Variants in ZDHHC15 observed in about 807,000 individuals in gnomAD.
ZDHHC15 encodes zDHHC palmitoyltransferase 15.
ZDHHC15 carries 19 observed loss-of-function variants against 31.7 expected under a neutral mutation model. That is an observed-to-expected ratio of 0.60 (90% CI 0.42 to 0.88). ZDHHC15 has a LOEUF of 0.88. Among genes scored for constraint, ZDHHC15 ranks in the 40% least tolerant of loss-of-function variants. The probability of loss-of-function intolerance (pLI) is 0.00; values close to 1 mark genes in which losing one functional copy is unlikely to be tolerated. For missense variants in ZDHHC15, 209 were observed against 251.2 expected, an observed-to-expected ratio of 0.83 and a Z score of 1.14; for synonymous variants, 103 against 90.0, an observed-to-expected ratio of 1.14 and a Z score of -0.82.
intron 1 of ZDHHC15, among the ~76,000 whole-genome samples, chrX:75,519,673 T>C (rs1602782570): frequency 8.9e-6 from 1 of 112,538 alleles, no homozygotes; most frequent in Non-Finnish European, 1.9e-5. Flanking sequence ...CATATTGAAA[T>C]GCAAATTTGT....
intron 3 of ZDHHC15, among the ~76,000 whole-genome samples, chrX:75,457,412 T>C (rs182624773): frequency 5.7e-4 from 64 of 111,557 alleles, no homozygotes; most frequent in Non-Finnish European, 4.9e-4. Context: ...TTGAATATTT[T>C]CTACCAGTCT....
intron 10 of ZDHHC15, among the ~76,000 whole-genome samples, chrX:75,408,080 C>T (rs748273054): frequency 1.4e-3 from 158 of 110,124 alleles, no homozygotes; most frequent in African/African-American, 5.2e-3. Context: ...TGCAGAAGGC[C>T]GCAGGGTCCT....
At chrX:75,409,578 T>A (rs1387108566) in intron 10 of ZDHHC15, among the ~76,000 whole-genome samples, 2 of 100,788 alleles carry the variant, frequency 2.0e-5, no homozygotes, top group African/African-American at 7.4e-5. Context: ...GGGCGGATCA[T>A]GAGATCAGGA....
At chrX:75,518,246 C>T (rs192252754) in intron 1 of ZDHHC15, among the ~76,000 whole-genome samples, 4 of 111,400 alleles carry the variant, frequency 3.6e-5, no homozygotes, top group Admixed American at 2.9e-4. Flanking sequence ...GTATTCAGAA[C>T]ATGCAAAAAA....
At chrX:75,456,905 G>A (rs928503858) in intron 3 of ZDHHC15, among the ~76,000 whole-genome samples, 2 of 111,191 alleles carry the variant, frequency 1.8e-5, no homozygotes, top group African/African-American at 6.5e-5. Flanking sequence ...TTTAAATTCT[G>A]TGACTTGGAG....
intron 3 of ZDHHC15, among the ~76,000 whole-genome samples, chrX:75,474,318 G>A (rs759245454): frequency 2.8e-5 from 3 of 108,505 alleles, no homozygotes; most frequent in Non-Finnish European, 3.8e-5. Flanking sequence ...CTCAAACATC[G>A]GACTCCAACT....
chrX:75,474,327 C>T (rs1407754618), intron 3 of ZDHHC15, among the ~76,000 whole-genome samples: 2 of 108,779 alleles, frequency 1.8e-5, no homozygotes, highest in African/African-American at 3.3e-5. Context: ...CGGACTCCAA[C>T]TTCTTCATTT....
At chrX:75,453,989 T>C (rs2084171752) in intron 3 of ZDHHC15, among the ~76,000 whole-genome samples, 1 of 111,718 alleles carries the variant, frequency 9.0e-6, no homozygotes, top group Admixed American at 9.6e-5. Context: ...AAGACAGGGA[T>C]GCCCTCTCTC....
chrX:75,486,001 T>C (rs1021542388), intron 2 of ZDHHC15, among the ~76,000 whole-genome samples: 16 of 110,859 alleles, frequency 1.4e-4, no homozygotes, highest in African/African-American at 5.3e-4. Context: ...ATGGTGAACT[T>C]TTGCCCCAAG....
In ZDHHC15 at chrX:75,370,945, A is replaced by G. The variant is rs1158865886; in HGVS notation, c.*2033T>C. The G allele has an allele frequency of 9.0e-6, 1 of 111,698 alleles. No individual in the cohort carries two copies. Among genetic ancestry groups the G allele is most frequent in the African/African-American group, 3.3e-5 (1 of 30,673 alleles). 9.2% of individuals were successfully genotyped at this position (111,698 alleles called of 1,213,427 possible). A position where few individuals can be genotyped will look rare whatever the true frequency, so the allele number is the denominator to read the frequency against. ...AACTTCCTTATAGTTAACTGACACT[A>G]TATTTTGTGACTTGACTTCTGTGGG... On this transcript the variant is annotated 3_prime_UTR_variant, in exon 12 of 12. Transcript: ENST00000373367.
intron 10 of ZDHHC15, among the ~76,000 whole-genome samples, chrX:75,414,488 G>A (rs931279537): frequency 3.1e-5 from 3 of 96,992 alleles, no homozygotes; most frequent in Middle Eastern, 5.1e-3. Context: ...GGAGTGCAGC[G>A]GCGCGATCTC....
chrX:75,466,086 C>T lies in ZDHHC15; in HGVS notation c.258+12805G>A, dbSNP rs537818382. On this transcript the variant is annotated intron_variant, in intron 3 of 11. Coordinates refer to ENST00000373367, the MANE Select transcript of ZDHHC15 (RefSeq NM_144969.3). Reference sequence around the variant, plus strand: ...TATCCAGAGTCTATTACACAAGGAACTTAAATTTCTAAGAAAAAAACAAAC... The same window carrying T: ...TATCCAGAGTCTATTACACAAGGAATTTAAATTTCTAAGAAAAAAACAAAC... 1.4e-4 allele frequency among the ~76,000 whole-genome samples: 16 copies of T among 111,184 alleles called. No individual in the cohort carries two copies. The South Asian group carries it at 5.8e-3, about 40-fold the overall frequency.
intron 6 of ZDHHC15, 136 bp from the exon 7 acceptor site, chrX:75,429,334 G>T (rs1432523396): frequency 1.8e-5 from 13 of 742,788 alleles, no homozygotes; most frequent in Non-Finnish European, 2.4e-5. Context: ...AATAGAGATA[G>T]AAGTCCCTTA....
chrX:75,476,300 A>T (rs2084604173), intron 3 of ZDHHC15, among the ~76,000 whole-genome samples: 1 of 110,458 alleles, frequency 9.1e-6, no homozygotes, highest in African/African-American at 3.3e-5. Context: ...TTATTCCTTA[A>T]ATATTTGATA....
chrX:75,458,867 G>T (rs1481439563), intron 3 of ZDHHC15, among the ~76,000 whole-genome samples: 2 of 108,875 alleles, frequency 1.8e-5, no homozygotes, highest in African/African-American at 6.7e-5. Flanking sequence ...TAGTGAGTGA[G>T]TTCAGCACCT....
intron 2 of ZDHHC15, among the ~76,000 whole-genome samples, chrX:75,495,650 A>G (rs1011502318): frequency 4.5e-5 from 5 of 110,125 alleles, no homozygotes; most frequent in Non-Finnish European, 9.5e-5. Context: ...ATGAAACTGT[A>G]AAAGATCATT....
chrX:75,461,063 T>C (rs1366014479), intron 3 of ZDHHC15, among the ~76,000 whole-genome samples: 1 of 111,531 alleles, frequency 9.0e-6, no homozygotes, highest in Non-Finnish European at 1.9e-5. Context: ...CAGGAGCTGA[T>C]AGCCAGAATA....
chrX:75,479,420 G>A (rs1208434016), intron 2 of ZDHHC15, among the ~76,000 whole-genome samples: 2 of 111,792 alleles, frequency 1.8e-5, no homozygotes, highest in African/African-American at 3.3e-5. Flanking sequence ...AGGGATAGTC[G>A]ATTAACTACC....
intron 10 of ZDHHC15, among the ~76,000 whole-genome samples, chrX:75,396,187 A>G (rs2083297332): frequency 8.9e-6 from 1 of 112,094 alleles, no homozygotes; most frequent in South Asian, 3.7e-4. Flanking sequence ...AGCAAAGAAG[A>G]CAATAAACAA....
Sources: gnomAD v4.1 joint callset for allele counts (sites outside exome capture counted in the v4.1 genomes callset) on GRCh38, gnomAD v4.1.1 for gene constraint, MANE v1.5 for transcripts, NCBI Gene and HGNC (gene_info 2026-07-23, HGNC 2026-07-21) for gene names.